PRRC2B: variants seen among roughly 807,000 people sequenced by gnomAD.
The protein encoded by PRRC2B is proline rich coiled-coil 2B.
In PRRC2B, 68 loss-of-function variants were observed where a neutral mutation model predicts 242.3. The observed-to-expected ratio is 0.28, with a 90% CI of 0.23 to 0.34. The LOEUF is 0.34. PRRC2B is among the 10% of genes least tolerant of loss of function. The pLI is 1.00. For missense variants in PRRC2B, 2,835 were observed against 2,954.8 expected (o/e 0.96, Z 0.94); for synonymous variants, 1,228 against 1,173.6 (o/e 1.05, Z -0.95).
At chr9:131,455,551 C>CT (rs1157400926) in intron 10 of PRRC2B, among the ~76,000 whole-genome samples, 3 of 138,210 alleles carry the variant, frequency 2.2e-5, no homozygotes, top group Non-Finnish European at 4.6e-5. Context: ...GGCTCTCACT[C>CT]TGTCACCCAG....
intron 1 of PRRC2B, among the ~76,000 whole-genome samples, chr9:131,417,434 T>TG (rs1395994333): frequency 7.9e-5 from 12 of 152,110 alleles, no homozygotes; most frequent in African/African-American, 2.7e-4. Flanking sequence ...CTGTTGCACT[T>TG]GCAGCCTTCA....
intron 1 of PRRC2B, among the ~76,000 whole-genome samples, chr9:131,427,236 C>T (rs1838000562): frequency 6.6e-6 from 1 of 152,238 alleles, no homozygotes; most frequent in South Asian, 2.1e-4. Flanking sequence ...TGACACGGCA[C>T]CAGCTCAGTC....
chr9:131,405,132 C>T (rs1333943981), intron 1 of PRRC2B, among the ~76,000 whole-genome samples: 3 of 152,120 alleles, frequency 2.0e-5, no homozygotes, highest in African/African-American at 4.8e-5. Flanking sequence ...CTGTGGTGAG[C>T]GTAGGGTCTG....
Position 131,475,836 on chromosome 9 carries a change from G to T in PRRC2B, c.3707G>T (p.Trp1236Leu), listed in dbSNP as rs7858646. 1 of 1,612,970 alleles carries T rather than the reference G, an allele frequency of 6.2e-7. No individual in the cohort carries two copies. The highest frequency in any genetic ancestry group is 2.2e-5 in the East Asian group (1 of 44,826). ...CAGAGCAAAAGTCCAGGCAGCTCTT[G>T]GCAGGAATATGGCCCTTCCGACACA... ...HWQSKSPGSS[W>L]QEYGPSDTCG... The change falls in exon 16 of 32, where the codon TGG (tryptophan) becomes TTG (leucine). Residue 1236 changes from tryptophan (W) to leucine (L), a missense_variant. Trp to Leu is a moderately conservative substitution (Grantham distance 61). Transcript: ENST00000683519.
intron 16 of PRRC2B, among the ~76,000 whole-genome samples, 176 bp downstream of exon 16, chr9:131,476,711 G>A (rs894916634): frequency 8.5e-5 from 13 of 152,124 alleles, no homozygotes; most frequent in Admixed American, 7.2e-4. Flanking sequence ...TCGTGGTGGT[G>A]TTATTGTGGC....
intron 28 of PRRC2B, among the ~76,000 whole-genome samples, chr9:131,488,957 G>T (rs1407101387): frequency 6.6e-6 from 1 of 152,092 alleles, no homozygotes; most frequent in Non-Finnish European, 1.5e-5. Flanking sequence ...TTTGATGTCT[G>T]CAGAGATGAC....
At chr9:131,492,001 T>A (rs989068261) in intron 29 of PRRC2B, among the ~76,000 whole-genome samples, 168 bp from the exon 30 acceptor site, 29 of 152,146 alleles carry the variant, frequency 1.9e-4, no homozygotes, top group Admixed American at 1.7e-3. Context: ...GTGGGAAAAT[T>A]GTCTTCCATG....
intron 19 of PRRC2B, among the ~76,000 whole-genome samples, chr9:131,480,459 G>C (rs1301265563): frequency 1.3e-5 from 2 of 152,176 alleles, no homozygotes; most frequent in Non-Finnish European, 2.9e-5. Context: ...TGAGCTGCCA[G>C]GTGTGAATCA....
Position 131,470,969 on chromosome 9 carries a change from C to T in PRRC2B, c.2093C>T (p.Ala698Val), listed in dbSNP as rs1326985857. Residue 698 changes from alanine to valine, a missense_variant, in exon 14 of 32, where the codon GCC becomes GTC. Around this residue, in one of 7 missense-constraint regions of PRRC2B, gnomAD observed 1,536 missense variants for 1,483.1 expected, o/e 1.04. Coordinates refer to ENST00000683519, the MANE Select transcript of PRRC2B (RefSeq NM_013318.4). ...TRTPVDFYPS[A>V]LHPSGLMKPM... Reference sequence around the variant, plus strand: ...ACCCCGGTGGACTTCTACCCCTCCGCCCTGCATCCCTCAGGTAAGCACTGT... The same window carrying T: ...ACCCCGGTGGACTTCTACCCCTCCGTCCTGCATCCCTCAGGTAAGCACTGT... The T allele has an allele frequency of 6.2e-7, 1 of 1,611,190 alleles. No homozygotes were observed. The highest frequency in any genetic ancestry group is 8.5e-7 in the Non-Finnish European group (1 of 1,178,282).
chr9:131,389,149 ATTTTTTTTTTTT>A (rs71501254), upstream of PRRC2B, among the ~76,000 whole-genome samples: 1 of 108,852 alleles, frequency 9.2e-6, no homozygotes. Flanking sequence ...GCTCCTTTCA[ATTTTTTTTTTTT>A]TTTTTTTTGA....
At chr9:131,394,011 C>CG (rs1296970222), upstream of PRRC2B, 1 of 147,670 alleles carries the variant, frequency 6.8e-6, no homozygotes, top group Non-Finnish European at 1.5e-5. Flanking sequence ...CGGGCGGCGG[C>CG]GGGAGGAGGA....
intron 1 of PRRC2B, among the ~76,000 whole-genome samples, chr9:131,397,581 T>TTTTTTTTTTTTTTTC (rs1837101889): frequency 1.3e-5 from 1 of 74,552 alleles, no homozygotes; most frequent in Non-Finnish European, 3.2e-5. Context: ...TTTTTTTTTT[T>TTTTTTTTTTTTTTTC]TTTGCCTTGC....
At chr9:131,415,041 G>A (rs1050658051) in intron 1 of PRRC2B, among the ~76,000 whole-genome samples, 3 of 152,002 alleles carry the variant, frequency 2.0e-5, no homozygotes, top group South Asian at 2.1e-4. Flanking sequence ...TGCCCACGCC[G>A]GAGTACAGTG....
chr9:131,475,224 C>T lies in PRRC2B; in HGVS notation c.3095C>T (p.Ala1032Val), dbSNP rs1489808748. The T allele has an allele frequency of 6.2e-7, 1 of 1,613,720 alleles. No homozygotes were observed. The highest frequency in any genetic ancestry group is 1.3e-5 in the African/African-American group (1 of 75,072). Residue 1032 changes from alanine to valine, a missense_variant, in exon 16 of 32, where the codon GCC (alanine) becomes GTC (valine). This residue lies in a region of PRRC2B where 1,536 missense variants were observed against 1,483.1 expected (regional missense o/e 1.04). Coordinates refer to ENST00000683519, the MANE Select transcript of PRRC2B (RefSeq NM_013318.4). ...GAGAAACCTGACAAGGCCTGGGAAG[C>T]CAGACCCCCACGAGAGTCCAGCGAT... ...EEEKPDKAWEARPPRESSDVP... is the reference protein window; with the variant it reads ...EEEKPDKAWEVRPPRESSDVP...
At chr9:131,478,649 G>GGGGGGGGGGGGGGCCCCGGGCC in intron 18 of PRRC2B, 30 bp downstream of exon 18, 2 of 504,562 alleles carry the variant, frequency 4.0e-6, no homozygotes, top group Non-Finnish European at 8.0e-6. Flanking sequence ...GGGGCATGGG[G>GGGGGGGGGGGGGGCCCCGGGCC]CTGGAGGGCA....
At chr9:131,468,209 G>A (rs948523561) in intron 13 of PRRC2B, among the ~76,000 whole-genome samples, 8 of 152,332 alleles carry the variant, frequency 5.3e-5, no homozygotes, top group East Asian at 1.9e-4. Context: ...AGAGAGGCAC[G>A]TCACCTTTGG....
intron 19 of PRRC2B, among the ~76,000 whole-genome samples, chr9:131,480,626 T>C (rs2131458640): frequency 6.6e-6 from 1 of 152,068 alleles, no homozygotes; most frequent in East Asian, 1.9e-4. Flanking sequence ...AGGATTTTTT[T>C]TTTTTTTAAA....
chr9:131,441,359 T>G (rs1319413264), intron 5 of PRRC2B, among the ~76,000 whole-genome samples: 1 of 151,982 alleles, frequency 6.6e-6, no homozygotes. Flanking sequence ...ATAAAAAATG[T>G]AGGTAATGTA....
chr9:131,481,515 A>T (rs985273886), intron 19 of PRRC2B, among the ~76,000 whole-genome samples: 1 of 150,700 alleles, frequency 6.6e-6, no homozygotes, highest in Admixed American at 6.6e-5. Flanking sequence ...TTGGGTGAGG[A>T]TGTGGAAAGT....
Sources: allele counts gnomAD v4.1 joint callset (sites outside exome capture counted in the v4.1 genomes callset), GRCh38; gene constraint gnomAD v4.1.1; regional missense constraint gnomAD v4.1.1; transcripts MANE v1.5; gene names NCBI Gene and HGNC (gene_info 2026-07-23, HGNC 2026-07-21).